Variants in AGBL4 observed in about 807,000 individuals in gnomAD.
AGBL4 encodes the protein cytosolic carboxypeptidase 6.
In AGBL4, 58 loss-of-function variants were observed where a neutral mutation model predicts 66.4. The observed-to-expected ratio is 0.87, with a 90% CI of 0.71 to 1.09. The LOEUF is 1.09. Among genes scored for constraint, AGBL4 ranks in the 50% least tolerant of loss-of-function variants. The pLI is 0.00. For synonymous variants in AGBL4, 234 were observed against 222.9 expected (o/e 1.05, Z -0.44); for missense variants, 579 against 631.0 (o/e 0.92, Z 0.88).
At chr1:48,842,629 A>C (rs1646830463) in intron 6 of AGBL4, among the ~76,000 whole-genome samples, 1 of 152,196 alleles carries the variant, frequency 6.6e-6, no homozygotes, top group African/African-American at 2.4e-5. Context: ...CAGAAAATTA[A>C]AACGAACTGC....
At chr1:49,239,306 C>T (rs1651032327) in intron 4 of AGBL4, among the ~76,000 whole-genome samples, 1 of 152,022 alleles carries the variant, frequency 6.6e-6, no homozygotes, top group Admixed American at 6.6e-5. Flanking sequence ...TTTTGGAGAA[C>T]ATGTATAACA....
intron 9 of AGBL4, among the ~76,000 whole-genome samples, chr1:48,617,729 T>C (rs1291598408): frequency 1.3e-5 from 2 of 152,190 alleles, no homozygotes; most frequent in Non-Finnish European, 2.9e-5. Flanking sequence ...CACTTCTGCC[T>C]TGGGGCGGCC....
chr1:48,694,690 T>G (rs1388621676), intron 6 of AGBL4, among the ~76,000 whole-genome samples: 1 of 152,170 alleles, frequency 6.6e-6, no homozygotes, highest in Non-Finnish European at 1.5e-5. Flanking sequence ...CCTACCAATA[T>G]CCATCAGCTT....
chr1:49,326,184 G>C (rs1000788520), intron 3 of AGBL4, among the ~76,000 whole-genome samples: 7 of 152,032 alleles, frequency 4.6e-5, no homozygotes, highest in Non-Finnish European at 1.0e-4. Context: ...GGTCTGCAAG[G>C]AATAAATTTT....
chr1:49,407,065 CAAAAAAAAA>C (rs57974289), intron 3 of AGBL4, among the ~76,000 whole-genome samples: 654 of 25,936 alleles, frequency 0.025, 8 homozygotes, highest in African/African-American at 0.07. Flanking sequence ...ACTCTGCCTC[CAAAAAAAAA>C]AAAAAAAAAA....
intron 3 of AGBL4, among the ~76,000 whole-genome samples, chr1:49,654,004 C>A (rs1330771202): frequency 6.6e-6 from 1 of 152,052 alleles, no homozygotes; most frequent in Non-Finnish European, 1.5e-5. Context: ...AGAAGACCAA[C>A]CCCAAGACAC....
intron 3 of AGBL4, among the ~76,000 whole-genome samples, chr1:49,480,380 A>C (rs2148725378): frequency 6.6e-6 from 1 of 151,972 alleles, no homozygotes; most frequent in South Asian, 2.1e-4. Context: ...CATTTCTCTA[A>C]TGATTAGTGA....
chr1:49,616,846 T>C (rs1645257986), intron 3 of AGBL4, among the ~76,000 whole-genome samples: 1 of 152,180 alleles, frequency 6.6e-6, no homozygotes, highest in South Asian at 2.1e-4. Flanking sequence ...ACGAATCTAT[T>C]GGTTATACTG....
intron 6 of AGBL4, among the ~76,000 whole-genome samples, chr1:48,730,654 G>T (rs1003109411): frequency 6.6e-6 from 1 of 152,144 alleles, no homozygotes; most frequent in Non-Finnish European, 1.5e-5. Flanking sequence ...GTGGGTAACA[G>T]CACTGAACGA....
chr1:49,183,312 C>T (rs1446644419), intron 4 of AGBL4, among the ~76,000 whole-genome samples: 1 of 152,108 alleles, frequency 6.6e-6, no homozygotes, highest in African/African-American at 2.4e-5. Context: ...ATGATTCTGC[C>T]ACCTTCTAGT....
intron 1 of AGBL4, among the ~76,000 whole-genome samples, chr1:49,887,924 T>C (rs1319045456): frequency 1.3e-5 from 2 of 152,122 alleles, no homozygotes; most frequent in South Asian, 2.1e-4. Flanking sequence ...CCTTCAAACA[T>C]GGCAATATTA....
chr1:49,904,413 G>A lies in AGBL4; in HGVS notation c.35-52895C>T, dbSNP rs1245499491. Among the ~76,000 whole-genome samples, 6 of 152,146 alleles carry A rather than the reference G, an allele frequency of 3.9e-5. No individual in the cohort carries two copies. The East Asian group carries it at 1.2e-3, about 29-fold the overall frequency. ...GGTGCAACATGATGACAGAGACATT[G>A]GATAATAATACTTCATGAATCTTTG... On this transcript the variant is annotated intron_variant, in intron 1 of 13. Transcript: ENST00000371839.
At chr1:49,890,496 A>G (rs946293831) in intron 1 of AGBL4, among the ~76,000 whole-genome samples, 2 of 152,176 alleles carry the variant, frequency 1.3e-5, no homozygotes, top group Non-Finnish European at 1.5e-5. Context: ...CCTCTATGGA[A>G]TTTATATTCT....
At chr1:48,837,687 C>G (rs1174663224) in intron 6 of AGBL4, among the ~76,000 whole-genome samples, 1 of 124,210 alleles carries the variant, frequency 8.1e-6, no homozygotes, top group Non-Finnish European at 1.7e-5. Flanking sequence ...CACACACACA[C>G]GCACACACAC....
intron 4 of AGBL4, among the ~76,000 whole-genome samples, chr1:49,080,444 GC>G (rs1644789287): frequency 1.3e-5 from 2 of 152,156 alleles, no homozygotes; most frequent in Non-Finnish European, 2.9e-5. Flanking sequence ...GACATAGCCA[GC>G]CCTCACTGAT....
chr1:49,549,306 C>CT (rs200496007), intron 3 of AGBL4, among the ~76,000 whole-genome samples: 4,024 of 149,924 alleles, frequency 0.027, 96 homozygotes, highest in Non-Finnish European at 0.041. Context: ...TGGTTATTTC[C>CT]TTTTTTTCTG....
chr1:49,257,856 T>A (rs1652685804), intron 3 of AGBL4, among the ~76,000 whole-genome samples: 1 of 152,078 alleles, frequency 6.6e-6, no homozygotes, highest in South Asian at 2.1e-4. Context: ...GCAGACTGCC[T>A]CCTCTAGAGG....
At chr1:49,935,950 A>G (rs1052059180) in intron 1 of AGBL4, among the ~76,000 whole-genome samples, 4 of 152,208 alleles carry the variant, frequency 2.6e-5, no homozygotes, top group African/African-American at 4.8e-5. Flanking sequence ...CCAAAGGAAC[A>G]CAGTTCCTCC....
chr1:48,523,617 G>T, the AGBL4 span, among the ~76,000 whole-genome samples: 1 of 152,130 alleles, frequency 6.6e-6, no homozygotes, highest in African/African-American at 2.4e-5. Flanking sequence ...ATGAATTAAG[G>T]CATGTATGGC....
Sources: allele counts gnomAD v4.1 joint callset (sites outside exome capture counted in the v4.1 genomes callset), GRCh38; gene constraint gnomAD v4.1.1; transcripts MANE v1.5; gene names NCBI Gene and HGNC (gene_info 2026-07-23, HGNC 2026-07-21).